Variants in PTPN3 observed in about 807,000 individuals in gnomAD.
The protein encoded by PTPN3 is tyrosine-protein phosphatase non-receptor type 3.
PTPN3 carries 96 observed loss-of-function variants against 132.7 expected under a neutral mutation model. The ratio of observed to expected loss-of-function variants is 0.72; its 90% CI spans 0.61 to 0.86. The LOEUF is 0.86. PTPN3 is among the 40% of genes least tolerant of loss of function. The probability of loss-of-function intolerance (pLI) is 0.00; values close to 1 mark genes in which losing one functional copy is unlikely to be tolerated. For missense variants in PTPN3, 1,125 were observed against 1,159.6 expected, an observed-to-expected ratio of 0.97 and a Z score of 0.43; for synonymous variants, 398 against 429.0, an observed-to-expected ratio of 0.93 and a Z score of 0.89.
chr9:109,420,651 A>C (rs767657967), intron 13 of PTPN3, 51 bp from the exon 14 acceptor site: 4 of 1,544,172 alleles, frequency 2.6e-6, no homozygotes, highest in Non-Finnish European at 3.5e-6. Flanking sequence ...ATTCCACTTA[A>C]AAATTTTATT....
rs907835129 is a variant in PTPN3, at chr9:109,379,339, G to A, written c.*217C>T. 9.1e-6 allele frequency: 5 copies of A among 546,486 alleles called. No individual in the cohort carries two copies. In the East Asian group the frequency reaches 1.2e-4, roughly 13 times the overall value. 33.9% of individuals were successfully genotyped at this position (546,486 alleles called of 1,614,324 possible). ...GAGATCCTTTTTGTATCTTTCCATA[G>A]AAATACAGGCCTAAATGATGCCATA... On this transcript the variant is annotated 3_prime_UTR_variant, in exon 26 of 26. Transcript: ENST00000374541.
intron 9 of PTPN3, among the ~76,000 whole-genome samples, chr9:109,434,328 A>C (rs920361980): frequency 9.5e-5 from 14 of 147,916 alleles, no homozygotes; most frequent in Admixed American, 8.8e-4. Context: ...ATTTTTGTAG[A>C]GATGGGGTCA....
chr9:109,447,762 T>TGTG (rs1222312900), intron 6 of PTPN3, among the ~76,000 whole-genome samples: 16 of 152,132 alleles, frequency 1.1e-4, no homozygotes, highest in Admixed American at 5.2e-4. Context: ...CTGCCAGTCT[T>TGTG]CCCTTGTGCA....
chr9:109,391,084 T>C, intron 21 of PTPN3, 54 bp downstream of exon 21: 2 of 1,519,254 alleles, frequency 1.3e-6, no homozygotes, highest in Admixed American at 3.4e-5. Flanking sequence ...GCCCTCATCA[T>C]CGTTGCGACA....
At chr9:109,399,659 T>C (rs577794189) in intron 19 of PTPN3, among the ~76,000 whole-genome samples, 158 of 146,680 alleles carry the variant, frequency 1.1e-3, no homozygotes, top group South Asian at 2.6e-3. Context: ...ATTCCCTTTA[T>C]GAAAAAAAAA....
the PTPN3 span, among the ~76,000 whole-genome samples, chr9:109,531,141 C>T: frequency 6.6e-6 from 1 of 152,166 alleles, no homozygotes; most frequent in African/African-American, 2.4e-5. Flanking sequence ...AAACCATTGC[C>T]AAATCCAATG....
the PTPN3 span, among the ~76,000 whole-genome samples, chr9:109,523,059 A>G: frequency 2.6e-5 from 4 of 151,872 alleles, no homozygotes; most frequent in African/African-American, 4.8e-5. Context: ...TGAGGATTAA[A>G]TTATTTAATT....
the PTPN3 span, among the ~76,000 whole-genome samples, chr9:109,514,944 A>G: frequency 1.4e-4 from 21 of 152,358 alleles, no homozygotes; most frequent in Non-Finnish European, 2.6e-4. Context: ...CCAAACTGCA[A>G]ATAACGTTGT....
the PTPN3 span, among the ~76,000 whole-genome samples, chr9:109,528,712 G>GTA: frequency 1.3e-4 from 19 of 151,678 alleles, no homozygotes; most frequent in African/African-American, 3.9e-4. Flanking sequence ...CTATATATAT[G>GTA]TATATATATA....
At chr9:109,427,177 G>A (rs757892541) in intron 11 of PTPN3, 55 bp from the exon 12 acceptor site, 281 of 1,573,814 alleles carry the variant, frequency 1.8e-4, no homozygotes, top group Non-Finnish European at 2.4e-4. Flanking sequence ...GCAGGGACTT[G>A]TAAGCATTTA....
chr9:109,445,120 T>C (rs1344111693), intron 7 of PTPN3, 120 bp downstream of exon 7: 14 of 969,500 alleles, frequency 1.4e-5, no homozygotes, highest in South Asian at 1.4e-5. Flanking sequence ...GCCAGAGATA[T>C]GCTGCCCAGC....
Position 109,426,721 on chromosome 9 carries a change from G to A in PTPN3, c.1001+229C>T, listed in dbSNP as rs536996120. On this transcript the variant is annotated intron_variant, in intron 12 of 25. Transcript: ENST00000374541. ...GGTACAGCTGCCATTCTGACTGCTTGGAAGTGCTGAGTTCAGCAGAGTTGA... is the reference window on the plus strand; with the variant it reads ...GGTACAGCTGCCATTCTGACTGCTTAGAAGTGCTGAGTTCAGCAGAGTTGA... 2.6e-5 allele frequency among the ~76,000 whole-genome samples: 4 copies of A among 152,252 alleles called. No homozygotes were observed. In the South Asian group the frequency reaches 8.3e-4, roughly 32 times the overall value.
the PTPN3 span, among the ~76,000 whole-genome samples, chr9:109,513,935 G>T: frequency 6.6e-6 from 1 of 152,048 alleles, no homozygotes. Flanking sequence ...AATTTTTGTT[G>T]CTCCAGCTGG....
At chr9:109,473,517 C>T (rs944526334) in intron 1 of PTPN3, among the ~76,000 whole-genome samples, 2 of 152,016 alleles carry the variant, frequency 1.3e-5, no homozygotes, top group Non-Finnish European at 2.9e-5. Flanking sequence ...TTTTAAGCTC[C>T]CTGAAGGGCA....
chr9:109,467,237 G>C (rs1410171887), intron 1 of PTPN3, among the ~76,000 whole-genome samples: 2 of 151,892 alleles, frequency 1.3e-5, no homozygotes, highest in East Asian at 3.9e-4. Flanking sequence ...TTATTTTTTA[G>C]TTCTTGTCTA....
intron 21 of PTPN3, among the ~76,000 whole-genome samples, chr9:109,389,737 T>C (rs1839906033): frequency 6.6e-6 from 1 of 152,244 alleles, no homozygotes; most frequent in Non-Finnish European, 1.5e-5. Context: ...CCCTAAGTCT[T>C]TCCCTATGCA....
the PTPN3 span, among the ~76,000 whole-genome samples, chr9:109,519,792 C>G: frequency 6.6e-6 from 1 of 152,190 alleles, no homozygotes; most frequent in Non-Finnish European, 1.5e-5. Flanking sequence ...GCACTTAACC[C>G]TGACAGCCTT....
chr9:109,463,873 G>A (rs1245745930), intron 1 of PTPN3, among the ~76,000 whole-genome samples: 5 of 152,196 alleles, frequency 3.3e-5, no homozygotes, highest in African/African-American at 7.2e-5. Context: ...TCTATTCATT[G>A]AGAGACACCA....
rs1443872548 is a variant in PTPN3, at chr9:109,457,378, G to T, written c.160C>A (p.Leu54Ile). 4 of 1,613,378 alleles carry T rather than the reference G, an allele frequency of 2.5e-6. No individual in the cohort carries two copies. Among genetic ancestry groups the T allele is most frequent in the Non-Finnish European group, 3.4e-6 (4 of 1,179,854 alleles). ...KVTKQDTGQV[L>I]LDMVHNHLGV... ...AGGTGGTTGTGCACCATATCCAGAA[G>T]AACCTGGCCAGTGTCTTGTTTCTAG... is the stretch of plus-strand genomic sequence containing the variant. The change falls in exon 3 of 26, where the codon CTT becomes ATT. Residue 54 changes from leucine to isoleucine, a missense_variant. Leu to Ile is a conservative substitution (Grantham distance 5). Transcript: ENST00000374541.
Sources: gnomAD v4.1 joint callset for allele counts (sites outside exome capture counted in the v4.1 genomes callset) on GRCh38, gnomAD v4.1.1 for gene constraint, MANE v1.5 for transcripts, NCBI Gene and HGNC (gene_info 2026-07-23, HGNC 2026-07-21) for gene names.